Variants in FHIT observed in about 807,000 individuals in gnomAD.
FHIT encodes the protein fragile histidine triad diadenosine triphosphatase.
FHIT carries 19 observed loss-of-function variants against 17.9 expected under a neutral mutation model. The ratio of observed to expected loss-of-function variants is 1.06; its 90% confidence interval spans 0.74 to 1.56. The LOEUF is 1.56. FHIT is among the 40% of genes most tolerant of loss of function. The pLI is 0.00. For missense variants in FHIT, 248 were observed against 189.2 expected (o/e 1.31, Z -1.82); for synonymous variants, 81 against 69.7 (o/e 1.16, Z -0.81).
Position 60,190,255 on chromosome 3 carries a change from A to C in FHIT, c.104-176103T>G, listed in dbSNP as rs184313798. On this transcript the variant is annotated intron_variant, in intron 5 of 9. Coordinates refer to ENST00000492590, the MANE Select transcript of FHIT (RefSeq NM_002012.4). Reference sequence around the variant, plus strand: ...TTGCTCTGTTATTTTTGTTTGCTTCATAACAGTCAGAACTGCTTTTCTGAG... The same window carrying C: ...TTGCTCTGTTATTTTTGTTTGCTTCCTAACAGTCAGAACTGCTTTTCTGAG... Among the ~76,000 whole-genome samples the C allele has an allele frequency of 3.9e-5, 6 of 152,242 alleles. No homozygotes were observed. The South Asian group carries it at 6.2e-4, about 16-fold the overall frequency.
chr3:60,714,339 C>G (rs1553706059), intron 4 of FHIT, among the ~76,000 whole-genome samples: 2 of 152,004 alleles, frequency 1.3e-5, no homozygotes, highest in African/African-American at 2.4e-5. Context: ...ACTGAATGGG[C>G]AAAAACCGGA....
At chr3:61,133,539 G>A (rs935587828) in intron 2 of FHIT, among the ~76,000 whole-genome samples, 1 of 152,144 alleles carries the variant, frequency 6.6e-6, no homozygotes, top group Admixed American at 6.5e-5. Context: ...AATTCCAGAT[G>A]GAGATTTCAA....
intron 5 of FHIT, among the ~76,000 whole-genome samples, chr3:60,135,617 T>C (rs1699785535): frequency 6.6e-6 from 1 of 152,100 alleles, no homozygotes; most frequent in Non-Finnish European, 1.5e-5. Flanking sequence ...TTATTTGTAC[T>C]GAGAAAGGAA....
intron 3 of FHIT, among the ~76,000 whole-genome samples, chr3:60,844,067 A>G (rs1176335187): frequency 1.3e-5 from 2 of 152,164 alleles, no homozygotes; most frequent in African/African-American, 4.8e-5. Flanking sequence ...GATTTAATAT[A>G]ATTTTGTTGG....
intron 5 of FHIT, among the ~76,000 whole-genome samples, chr3:60,188,009 C>T (rs73831985): frequency 0.011 from 1,698 of 152,044 alleles, 30 homozygotes; most frequent in African/African-American, 0.04. Flanking sequence ...TCTGAAATTA[C>T]CCCATACATT....
intron 4 of FHIT, among the ~76,000 whole-genome samples, chr3:60,583,297 G>A (rs782457230): frequency 9.2e-5 from 14 of 151,854 alleles, no homozygotes; most frequent in Non-Finnish European, 1.3e-4. Flanking sequence ...GTCTTCAGCC[G>A]CTGTACAGAA....
intron 3 of FHIT, among the ~76,000 whole-genome samples, chr3:60,860,512 AT>A (rs1245814759): frequency 8.5e-6 from 1 of 117,052 alleles, no homozygotes; most frequent in South Asian, 2.5e-4. Flanking sequence ...GGTATATATG[AT>A]ACATATGTAT....
chr3:59,989,864 CAGAT>C (rs1040408517), intron 7 of FHIT, among the ~76,000 whole-genome samples: 2 of 152,054 alleles, frequency 1.3e-5, no homozygotes, highest in African/African-American at 2.4e-5. Flanking sequence ...GATAGACAGA[CAGAT>C]AAAGAGGATT....
chr3:60,788,282 C>T (rs1553727510), intron 4 of FHIT, among the ~76,000 whole-genome samples: 1 of 151,880 alleles, frequency 6.6e-6, no homozygotes. Flanking sequence ...CAGAGTGAGA[C>T]CCTATCTCTT....
chr3:60,880,569 C>A (rs559138928), intron 3 of FHIT, among the ~76,000 whole-genome samples: 1 of 152,290 alleles, frequency 6.6e-6, no homozygotes, highest in African/African-American at 2.4e-5. Flanking sequence ...CCTGTCTCTA[C>A]TCAACACACA....
intron 3 of FHIT, among the ~76,000 whole-genome samples, chr3:61,018,961 A>G (rs1221163878): frequency 3.3e-5 from 5 of 152,196 alleles, no homozygotes; most frequent in Non-Finnish European, 7.4e-5. Flanking sequence ...TGAGATTCTA[A>G]ATGAGATAAA....
At chr3:59,795,873 T>C (rs191648145) in intron 8 of FHIT, among the ~76,000 whole-genome samples, 7 of 152,338 alleles carry the variant, frequency 4.6e-5, no homozygotes, top group Admixed American at 3.3e-4. Context: ...GACAGGCTTA[T>C]GTACCGGTCT....
intron 5 of FHIT, among the ~76,000 whole-genome samples, chr3:60,068,478 C>G (rs1306729839): frequency 6.6e-6 from 1 of 152,168 alleles, no homozygotes; most frequent in Non-Finnish European, 1.5e-5. Flanking sequence ...CTCCATACGG[C>G]TGTGTGGGTT....
At chr3:60,703,632 AAG>A (rs2041299873) in intron 4 of FHIT, among the ~76,000 whole-genome samples, 1 of 152,130 alleles carries the variant, frequency 6.6e-6, no homozygotes, top group African/African-American at 2.4e-5. Flanking sequence ...TATTTATCTC[AAG>A]TTTTGATATA....
At chr3:60,180,500 T>C (rs1194584235) in intron 5 of FHIT, among the ~76,000 whole-genome samples, 1 of 152,198 alleles carries the variant, frequency 6.6e-6, no homozygotes, top group Non-Finnish European at 1.5e-5. Flanking sequence ...GAGCAGAGAC[T>C]GGATCTGCCA....
At chr3:61,162,168 T>C (rs1471553516) in intron 2 of FHIT, among the ~76,000 whole-genome samples, 3 of 152,218 alleles carry the variant, frequency 2.0e-5, no homozygotes, top group Non-Finnish European at 4.4e-5. Context: ...CCTGACACAC[T>C]TGAAGAAATT....
intron 5 of FHIT, among the ~76,000 whole-genome samples, chr3:60,081,529 T>C (rs1230150539): frequency 6.6e-6 from 1 of 152,136 alleles, no homozygotes; most frequent in Non-Finnish European, 1.5e-5. Flanking sequence ...AAGGAACTAT[T>C]GGCTAATCAT....
chr3:59,881,563 T>A (rs936386110), intron 8 of FHIT, among the ~76,000 whole-genome samples: 1 of 152,166 alleles, frequency 6.6e-6, no homozygotes, highest in African/African-American at 2.4e-5. Flanking sequence ...ATATAATTTC[T>A]ACAGGTTGAA....
chr3:61,240,326 C>T (rs981118400), intron 1 of FHIT, among the ~76,000 whole-genome samples: 6 of 152,182 alleles, frequency 3.9e-5, no homozygotes, highest in African/African-American at 1.4e-4. Flanking sequence ...GTGTGTACAG[C>T]CCTGCAAGCT....
Sources: allele counts gnomAD v4.1 joint callset (sites outside exome capture counted in the v4.1 genomes callset), GRCh38; gene constraint gnomAD v4.1.1; transcripts MANE v1.5; gene names NCBI Gene and HGNC (gene_info 2026-07-23, HGNC 2026-07-21).